ARHGAP40: variants seen among roughly 807,000 people sequenced by gnomAD.
The protein encoded by ARHGAP40 is Rho GTPase activating protein 40.
Under a neutral mutation model 73.5 loss-of-function variants are expected in ARHGAP40, and 43 were observed. The ratio of observed to expected loss-of-function variants is 0.58; its 90% CI spans 0.46 to 0.75. The LOEUF is 0.75. Ranked by LOEUF, ARHGAP40 falls within the 30% of genes least tolerant of loss-of-function variation. ARHGAP40 has a pLI of 0.00. For synonymous variants in ARHGAP40, 300 were observed against 352.8 expected, an observed-to-expected ratio of 0.85 and a Z score of 1.68; for missense variants, 734 against 861.8, an observed-to-expected ratio of 0.85 and a Z score of 1.86.
At chr20:38,613,876 G>A (rs2088818164) in intron 1 of ARHGAP40, among the ~76,000 whole-genome samples, 1 of 152,174 alleles carries the variant, frequency 6.6e-6, no homozygotes, top group Admixed American at 6.5e-5. Context: ...GAGATATGGC[G>A]AGCATCGTTT....
At chr20:38,643,348 T>G (rs2089030916) in intron 10 of ARHGAP40, among the ~76,000 whole-genome samples, 1 of 152,188 alleles carries the variant, frequency 6.6e-6, no homozygotes, top group Non-Finnish European at 1.5e-5. Context: ...GCATTTTGGG[T>G]AGACCCAGAC....
Position 38,623,163 on chromosome 20 carries a change from T to C in ARHGAP40, c.138-196T>C, listed in dbSNP as rs767034297. On this transcript the variant is annotated intron_variant, in intron 1 of 14. Transcript: ENST00000373345. Reference sequence around the variant, plus strand: ...TGGCCCTGCTCTGTCCCCTGCAGCATTGCTGGTTTCCAAGGATCCCGCAGG... The same window carrying C: ...TGGCCCTGCTCTGTCCCCTGCAGCACTGCTGGTTTCCAAGGATCCCGCAGG... 3.3e-5 allele frequency among the ~76,000 whole-genome samples: 5 copies of C among 152,206 alleles called. 1 individual carries two copies. Among genetic ancestry groups the C allele is most frequent in the Admixed American group, 2.6e-4 (4 of 15,284 alleles).
At position 38,636,384 on chromosome 20, in the gene ARHGAP40, G is replaced by A. The variant is rs145732217; in HGVS notation, c.950-1324G>A. Among the ~76,000 whole-genome samples, 727 of 151,444 alleles carry A rather than the reference G, an allele frequency of 4.8e-3. 4 individuals are homozygous for A. The highest frequency in any genetic ancestry group is 0.017 in the African/African-American group (685 of 41,284). ...CTCAGGTGACCCTCTCACCTCAGCC[G>A]CCTGAGTAGCTTGGACTGCAGGTAT... On this transcript the variant is annotated intron_variant, in intron 6 of 14. Transcript: ENST00000373345.
intron 5 of ARHGAP40, among the ~76,000 whole-genome samples, chr20:38,631,009 G>T (rs2088934833): frequency 6.6e-6 from 1 of 152,140 alleles, no homozygotes; most frequent in Non-Finnish European, 1.5e-5. Flanking sequence ...CTGACTATAT[G>T]ATAGAAAGAA....
At chr20:38,608,933 G>A (rs934208308) in intron 1 of ARHGAP40, among the ~76,000 whole-genome samples, 3 of 152,152 alleles carry the variant, frequency 2.0e-5, no homozygotes, top group African/African-American at 4.8e-5. Flanking sequence ...GGCAAGAGTG[G>A]CCGGCTGAGT....
At chr20:38,616,217 C>A (rs1332202519) in intron 1 of ARHGAP40, among the ~76,000 whole-genome samples, 2 of 152,256 alleles carry the variant, frequency 1.3e-5, no homozygotes, top group African/African-American at 4.8e-5. Flanking sequence ...AAGCTTCTCA[C>A]CTTCCCCCAG....
At chr20:38,613,639 C>T (rs929655368) in intron 1 of ARHGAP40, among the ~76,000 whole-genome samples, 16 of 152,148 alleles carry the variant, frequency 1.1e-4, no homozygotes, top group African/African-American at 3.1e-4. Flanking sequence ...CTTCTTGGGC[C>T]CAGCGTGGGT....
intron 1 of ARHGAP40, among the ~76,000 whole-genome samples, chr20:38,603,725 T>C (rs1317771489): frequency 6.6e-6 from 1 of 152,220 alleles, no homozygotes; most frequent in African/African-American, 2.4e-5. Flanking sequence ...TCGAGGAGTC[T>C]GTAGGGGTGC....
chr20:38,637,440 C>T (rs560927629), intron 6 of ARHGAP40, among the ~76,000 whole-genome samples: 2 of 152,168 alleles, frequency 1.3e-5, no homozygotes, highest in Non-Finnish European at 2.9e-5. Flanking sequence ...TGAGCCACTG[C>T]ACCCGGCCCT....
chr20:38,611,341 G>A (rs1448079573), intron 1 of ARHGAP40, among the ~76,000 whole-genome samples: 1 of 151,948 alleles, frequency 6.6e-6, no homozygotes, highest in Non-Finnish European at 1.5e-5. Flanking sequence ...CCAAGAGAGT[G>A]GATCTGTTCA....
chr20:38,642,376 A>T (rs983040588), intron 10 of ARHGAP40, among the ~76,000 whole-genome samples: 26 of 152,180 alleles, frequency 1.7e-4, no homozygotes, highest in African/African-American at 5.8e-4. Context: ...CAGACTCAAG[A>T]TGTGCCTCCA....
At chr20:38,607,097 C>A (rs7271465) in intron 1 of ARHGAP40, among the ~76,000 whole-genome samples, 21,814 of 152,140 alleles carry the variant, frequency 0.14, 1,872 homozygotes, top group South Asian at 0.24. Context: ...AGAAATGGGA[C>A]AATTTGTGTC....
intron 9 of ARHGAP40, among the ~76,000 whole-genome samples, 187 bp downstream of exon 9, chr20:38,639,573 C>G (rs985754101): frequency 6.6e-6 from 1 of 152,262 alleles, no homozygotes; most frequent in Non-Finnish European, 1.5e-5. Flanking sequence ...TACACATGTG[C>G]ACGCGTGTCC....
At chr20:38,627,684 T>TG (rs2088911346) in intron 3 of ARHGAP40, among the ~76,000 whole-genome samples, 2 of 111,524 alleles carry the variant, frequency 1.8e-5, no homozygotes, top group East Asian at 2.3e-4. Context: ...GTGTGTGTGT[T>TG]GTGTGTGTGT....
chr20:38,602,392 C>T (rs1239644789), intron 1 of ARHGAP40, among the ~76,000 whole-genome samples: 1 of 65,054 alleles, frequency 1.5e-5, no homozygotes, highest in Non-Finnish European at 3.2e-5. Context: ...GTGCCATTTC[C>T]TCTTCCTCTG....
At chr20:38,645,462 C>T (rs2089045486) in intron 11 of ARHGAP40, among the ~76,000 whole-genome samples, 2 of 152,224 alleles carry the variant, frequency 1.3e-5, no homozygotes, top group South Asian at 2.1e-4. Context: ...CCATCACCCT[C>T]GCTCTTCCCC....
chr20:38,610,327 G>A (rs908128261), intron 1 of ARHGAP40, among the ~76,000 whole-genome samples: 1 of 152,160 alleles, frequency 6.6e-6, no homozygotes, highest in Non-Finnish European at 1.5e-5. Flanking sequence ...GGTTAAGTGG[G>A]ACCCTCAGGG....
At chr20:38,614,224 C>G (rs1305549168) in intron 1 of ARHGAP40, among the ~76,000 whole-genome samples, 1 of 152,182 alleles carries the variant, frequency 6.6e-6, no homozygotes, top group Non-Finnish European at 1.5e-5. Context: ...CTGGCAAGTC[C>G]TGAGGCAACA....
chr20:38,604,953 A>AT (rs2088762699), intron 1 of ARHGAP40, among the ~76,000 whole-genome samples: 1 of 151,260 alleles, frequency 6.6e-6, no homozygotes, highest in Non-Finnish European at 1.5e-5. Context: ...AAAAAAAAAA[A>AT]GCGAAAACTA....
Sources: gnomAD v4.1 joint callset for allele counts (sites outside exome capture counted in the v4.1 genomes callset) on GRCh38, gnomAD v4.1.1 for gene constraint, MANE v1.5 for transcripts, NCBI Gene and HGNC (gene_info 2026-07-23, HGNC 2026-07-21) for gene names.